The following IGF2BP3 variants were observed in gnomAD, a reference collection of about 807,000 sequenced individuals.
The protein encoded by IGF2BP3 is insulin like growth factor 2 mRNA binding protein 3, also known as insulin-like growth factor 2 mRNA-binding protein 3.
IGF2BP3 carries 9 observed loss-of-function variants against 73.8 expected under a neutral mutation model. The ratio of observed to expected loss-of-function variants is 0.12; its 90% confidence interval spans 0.07 to 0.21. The LOEUF is 0.21. Among genes scored for constraint, IGF2BP3 ranks in the 10% least tolerant of loss-of-function variants. IGF2BP3 has a pLI of 1.00. For synonymous variants in IGF2BP3, 258 were observed against 256.7 expected, an observed-to-expected ratio of 1.01 and a Z score of -0.05; for missense variants, 542 against 714.0, an observed-to-expected ratio of 0.76 and a Z score of 2.75.
chr7:23,438,175 A>G (rs1226699398), intron 2 of IGF2BP3, among the ~76,000 whole-genome samples: 2 of 152,256 alleles, frequency 1.3e-5, no homozygotes, highest in Admixed American at 1.3e-4. Flanking sequence ...GCTGAAGTGC[A>G]GTGCCACGAT....
chr7:23,468,206 CCG>C (rs1788614214), intron 2 of IGF2BP3, among the ~76,000 whole-genome samples: 1 of 152,194 alleles, frequency 6.6e-6, no homozygotes, highest in Admixed American at 6.5e-5. Flanking sequence ...GCAATTTGAC[CCG>C]CTCGGACCGA....
At chr7:23,352,914 GTTTT>G (rs1414590308) in intron 5 of IGF2BP3, among the ~76,000 whole-genome samples, 1 of 151,908 alleles carries the variant, frequency 6.6e-6, no homozygotes, top group Non-Finnish European at 1.5e-5. Flanking sequence ...GTTTTCTGGG[GTTTT>G]TTGTTTGTTT....
intron 3 of IGF2BP3, among the ~76,000 whole-genome samples, chr7:23,389,827 G>C: frequency 8.8e-6 from 1 of 113,106 alleles, no homozygotes; most frequent in African/African-American, 4.6e-5. Context: ...GATCCCTTCT[G>C]TAAAAAAAAA....
At chr7:23,394,805 T>A (rs1165349421) in intron 3 of IGF2BP3, 2 of 152,240 alleles carry the variant, frequency 1.3e-5, no homozygotes. Flanking sequence ...AAAGGTTTGC[T>A]TGTTTAGTTA....
chr7:23,400,093 C>T (rs187355274), intron 3 of IGF2BP3, among the ~76,000 whole-genome samples: 1 of 152,184 alleles, frequency 6.6e-6, no homozygotes, highest in Non-Finnish European at 1.5e-5. Flanking sequence ...AAGAGGCACA[C>T]AGGAGCTGAG....
chr7:23,323,135 TAA>T (rs1357067146), intron 10 of IGF2BP3, among the ~76,000 whole-genome samples: 8 of 151,950 alleles, frequency 5.3e-5, no homozygotes, highest in Non-Finnish European at 1.0e-4. Context: ...GCAAATTGGA[TAA>T]AGAGTCAAGA....
At chr7:23,432,155 G>A (rs780802594) in intron 2 of IGF2BP3, among the ~76,000 whole-genome samples, 19 of 152,022 alleles carry the variant, frequency 1.2e-4, no homozygotes, top group South Asian at 2.1e-4. Flanking sequence ...ATTTGCACAC[G>A]TTATCTCCAT....
chr7:23,395,407 C>G (rs565781317), intron 3 of IGF2BP3, among the ~76,000 whole-genome samples: 5 of 152,074 alleles, frequency 3.3e-5, no homozygotes, highest in African/African-American at 1.2e-4. Context: ...AAAAACAACA[C>G]AAAGAAACAA....
chr7:23,463,346 A>T (rs1030561113), intron 2 of IGF2BP3, among the ~76,000 whole-genome samples: 9 of 152,236 alleles, frequency 5.9e-5, no homozygotes, highest in African/African-American at 2.2e-4. Context: ...TGTGTCGCTC[A>T]TAATAGTTTC....
chr7:23,425,924 C>A (rs532059120), intron 2 of IGF2BP3, among the ~76,000 whole-genome samples: 5 of 151,542 alleles, frequency 3.3e-5, no homozygotes, highest in South Asian at 2.1e-4. Flanking sequence ...GGTGGTGGTA[C>A]CACTGCACTC....
At chr7:23,451,516 C>T (rs1009057635) in intron 2 of IGF2BP3, among the ~76,000 whole-genome samples, 3 of 152,060 alleles carry the variant, frequency 2.0e-5, no homozygotes, top group African/African-American at 7.3e-5. Context: ...ATCGCTTGAA[C>T]CCAGGAGGTG....
In IGF2BP3 at chr7:23,412,841, CCTT is replaced by C. The variant is rs1480833522; in HGVS notation, c.285+5932_285+5934del. Among the ~76,000 whole-genome samples the C allele has an allele frequency of 2.0e-4, 18 of 87,976 alleles. No homozygotes were observed. The East Asian group carries it at 4.3e-3, about 21-fold the overall frequency. The allele number at this position is 87,976 out of a possible 152,430, so 57.7% of individuals were successfully genotyped here. On this transcript the variant is annotated intron_variant, in intron 3 of 14. Transcript: ENST00000258729. ...AGAAATCCTTTCCTTAAGACTCTGG[CCTT>C]TTTTTTTTTTTTTTTTTTTTTTTTT...
chr7:23,394,288 G>A (rs979769872), intron 3 of IGF2BP3, among the ~76,000 whole-genome samples: 2 of 152,100 alleles, frequency 1.3e-5, no homozygotes, highest in South Asian at 2.1e-4. Context: ...ACAACATGGC[G>A]AAACCCTGTC....
At chr7:23,340,154 C>T (rs1454671527) in intron 10 of IGF2BP3, among the ~76,000 whole-genome samples, 1 of 152,138 alleles carries the variant, frequency 6.6e-6, no homozygotes, top group Non-Finnish European at 1.5e-5. Context: ...GTTCTTTCTA[C>T]CAGTCCCCTT....
chr7:23,319,979 C>T (rs569250442), intron 10 of IGF2BP3, among the ~76,000 whole-genome samples: 33 of 152,136 alleles, frequency 2.2e-4, no homozygotes, highest in Middle Eastern at 3.4e-3. Context: ...GGCACGATCT[C>T]GGCTCACTGC....
At chr7:23,370,383 T>G (rs1785507634) in intron 3 of IGF2BP3, among the ~76,000 whole-genome samples, 1 of 152,194 alleles carries the variant, frequency 6.6e-6, no homozygotes, top group Non-Finnish European at 1.5e-5. Context: ...TTCCAAATCT[T>G]TTTTATTTGA....
At chr7:23,321,206 T>C (rs1196683542) in intron 10 of IGF2BP3, among the ~76,000 whole-genome samples, 1 of 152,138 alleles carries the variant, frequency 6.6e-6, no homozygotes, top group African/African-American at 2.4e-5. Context: ...CGCAGGTCAG[T>C]GGGTGCATGC....
intron 3 of IGF2BP3, among the ~76,000 whole-genome samples, chr7:23,386,772 G>A (rs1288406015): frequency 5.3e-5 from 8 of 151,756 alleles, no homozygotes; most frequent in Admixed American, 5.3e-4. Context: ...AGGTGATCAA[G>A]GTTAACATCA....
intron 5 of IGF2BP3, among the ~76,000 whole-genome samples, chr7:23,352,566 G>A (rs1339470757): frequency 6.6e-6 from 1 of 152,106 alleles, no homozygotes; most frequent in African/African-American, 2.4e-5. Flanking sequence ...GGGATTACAG[G>A]CATGAGCTAC....
Sources: allele counts gnomAD v4.1 joint callset (sites outside exome capture counted in the v4.1 genomes callset), GRCh38; gene constraint gnomAD v4.1.1; transcripts MANE v1.5; gene names NCBI Gene and HGNC (gene_info 2026-07-23, HGNC 2026-07-21).